ZNF440: variants seen among roughly 807,000 people sequenced by gnomAD.
ZNF440 encodes zinc finger protein 440.
In ZNF440, 47 loss-of-function variants were observed where a neutral mutation model predicts 49.7. The observed-to-expected ratio is 0.95, with a 90% confidence interval of 0.75 to 1.21. The LOEUF (loss-of-function observed/expected upper bound fraction) is 1.21, where lower values mean the gene tolerates loss of function less well. Among genes scored for constraint, ZNF440 ranks in the 50% most tolerant of loss-of-function variants. ZNF440 has a pLI of 0.00. For missense variants in ZNF440, 703 were observed against 715.0 expected, an observed-to-expected ratio of 0.98 and a Z score of 0.19; for synonymous variants, 255 against 237.7, an observed-to-expected ratio of 1.07 and a Z score of -0.67.
At chr19:11,820,373 C>T (rs1017812479) in intron 1 of ZNF440, among the ~76,000 whole-genome samples, 20 of 152,112 alleles carry the variant, frequency 1.3e-4, no homozygotes, top group Non-Finnish European at 2.2e-4. Flanking sequence ...CCTGCCACCA[C>T]GCCCGGCTAA....
chr19:11,822,371 T>G (rs959072337), intron 1 of ZNF440, among the ~76,000 whole-genome samples: 2 of 152,198 alleles, frequency 1.3e-5, no homozygotes, highest in African/African-American at 4.8e-5. Context: ...TAACATATAA[T>G]TATAAGAACT....
chr19:11,827,144 A>C (rs941749458), intron 1 of ZNF440, among the ~76,000 whole-genome samples: 1 of 149,968 alleles, frequency 6.7e-6, no homozygotes, highest in Non-Finnish European at 1.5e-5. Context: ...GCTCACTGCA[A>C]CCTCTGTCTC....
In ZNF440 at chr19:11,833,187, C is replaced by T. The variant is rs1036870259; in HGVS notation, c.*223C>T. 1 of 1,214,564 alleles carries T rather than the reference C, an allele frequency of 8.2e-7. No individual in the cohort carries two copies. Among genetic ancestry groups the T allele is most frequent in the Non-Finnish European group, 1.2e-6 (1 of 850,704 alleles). The allele number at this position is 1,214,564 out of a possible 1,614,324, so 75.2% of individuals were successfully genotyped here. On this transcript the variant is annotated 3_prime_UTR_variant, in exon 4 of 4. Coordinates refer to ENST00000304060, the MANE Select transcript of ZNF440 (RefSeq NM_152357.3). ...AAGCAATTTGGGAAAGCCTTCAGATCTGTCAAAAATCTTCGATTTCATAAA... is the reference window on the plus strand; with the variant it reads ...AAGCAATTTGGGAAAGCCTTCAGATTTGTCAAAAATCTTCGATTTCATAAA...
At chr19:11,821,014 A>G (rs1975793459) in intron 1 of ZNF440, among the ~76,000 whole-genome samples, 1 of 152,200 alleles carries the variant, frequency 6.6e-6, no homozygotes, top group Non-Finnish European at 1.5e-5. Flanking sequence ...AAATGTTCAG[A>G]GAATCACCAC....
chr19:11,817,061 A>C (rs1975741067), intron 1 of ZNF440: 1 of 152,246 alleles, frequency 6.6e-6, no homozygotes, highest in Admixed American at 6.5e-5. Context: ...TGTCAACCCG[A>C]AATAATCGAA....
In ZNF440 at chr19:11,820,291, A is replaced by C. The variant is rs141725248; in HGVS notation, c.3+5841A>C. On this transcript the variant is annotated intron_variant, in intron 1 of 3. Coordinates refer to ENST00000304060, the MANE Select transcript of ZNF440 (RefSeq NM_152357.3). ...GAGTGCAGTGGCGCGATCTCGGCTC[A>C]CTGCAAGCTCCGCTTCCCGGGTTCA... Among the ~76,000 whole-genome samples the C allele has an allele frequency of 3.9e-3, 590 of 152,114 alleles. 20 individuals are homozygous for C. In the East Asian group the frequency reaches 0.077, roughly 20 times the overall value.
chr19:11,832,752 C>T lies in ZNF440; in HGVS notation c.1576C>T (p.Leu526=), dbSNP rs765337446. 18 of 1,613,106 alleles carry T rather than the reference C, an allele frequency of 1.1e-5. No individual in the cohort carries two copies. The African/African-American group carries it at 1.9e-4, about 17-fold the overall frequency. Residue 526 remains leucine, a synonymous_variant, in exon 4 of 4, where the codon CTG becomes TTG. Coordinates refer to ENST00000304060, the MANE Select transcript of ZNF440 (RefSeq NM_152357.3). ...GAGCAATGTGGGAAAGCCTTCAGAGCTGTGTCAATCCTTTGAATGCATGGT... is the reference window on the plus strand; with the variant it reads ...GAGCAATGTGGGAAAGCCTTCAGAGTTGTGTCAATCCTTTGAATGCATGGT... ...NASNVGKPSE[L]CQSFECMVGL...
intron 1 of ZNF440, among the ~76,000 whole-genome samples, chr19:11,818,050 A>G (rs1180729983): frequency 6.6e-6 from 1 of 152,000 alleles, no homozygotes; most frequent in African/African-American, 2.4e-5. Context: ...AAAATACAAA[A>G]AAAAATTAAC....
At chr19:11,830,139 C>A in intron 1 of ZNF440, 144 bp from the exon 2 acceptor site, 1 of 1,469,676 alleles carries the variant, frequency 6.8e-7, no homozygotes, top group African/African-American at 1.4e-5. Flanking sequence ...AGTAAGTATA[C>A]ACAGGGAGAA....
At chr19:11,819,251 TAAGA>T (rs1339250065) in intron 1 of ZNF440, among the ~76,000 whole-genome samples, 1 of 152,118 alleles carries the variant, frequency 6.6e-6, no homozygotes, top group African/African-American at 2.4e-5. Context: ...ACAGTATAGG[TAAGA>T]AAGAAGGCGA....
Position 11,832,003 on chromosome 19 carries a change from G to A in ZNF440, c.827G>A (p.Arg276Lys), listed in dbSNP as rs778422591. The A allele has an allele frequency of 2.5e-6, 4 of 1,613,956 alleles. No individual in the cohort carries two copies. The highest frequency in any genetic ancestry group is 1.7e-6 in the Non-Finnish European group (2 of 1,180,006). Residue 276 changes from arginine to lysine, a missense_variant, in exon 4 of 4, where the codon AGG becomes AAG. By Grantham distance (26) the Arg-to-Lys change is conservative. Coordinates refer to ENST00000304060, the MANE Select transcript of ZNF440 (RefSeq NM_152357.3). ...CCCAGATCCTATCGTAGACATGAAA[G>A]GATTCACATGGGAGAAAAGGCTTAT... ...HSPRSYRRHE[R>K]IHMGEKAYQC...
Position 11,832,553 on chromosome 19 carries a change from A to G in ZNF440, c.1377A>G (p.Lys459=). 6.2e-7 allele frequency: 1 copy of G among 1,614,132 alleles called. No individual in the cohort carries two copies. Among genetic ancestry groups the G allele is most frequent in the Non-Finnish European group, 8.5e-7 (1 of 1,180,008 alleles). ...IRIHSGERRY[K]CKICGKGFYC... is the part of the protein sequence containing the mutation. ...TACACTCTGGAGAAAGACGTTATAA[A>G]TGTAAGATATGTGGGAAAGGCTTTT... Residue 459 remains lysine, a synonymous_variant, in exon 4 of 4, where the codon AAA becomes AAG. Transcript: ENST00000304060.
chr19:11,832,006 T>G lies in ZNF440; in HGVS notation c.830T>G (p.Ile277Ser). The change falls in exon 4 of 4, where the codon ATT (isoleucine) becomes AGT (serine). Residue 277 changes from isoleucine to serine, a missense_variant. Ile to Ser is a moderately radical substitution (Grantham distance 142). Coordinates refer to ENST00000304060, the MANE Select transcript of ZNF440 (RefSeq NM_152357.3). ...AGATCCTATCGTAGACATGAAAGGA[T>G]TCACATGGGAGAAAAGGCTTATCAA... Reference protein sequence around the residue: ...SPRSYRRHERIHMGEKAYQCK... With the variant: ...SPRSYRRHERSHMGEKAYQCK... 6.2e-7 allele frequency: 1 copy of G among 1,613,882 alleles called. No homozygotes were observed. The highest frequency in any genetic ancestry group is 2.2e-5 in the East Asian group (1 of 44,828).
chr19:11,825,829 T>TG (rs1975858345), intron 1 of ZNF440, among the ~76,000 whole-genome samples: 1 of 150,338 alleles, frequency 6.7e-6, no homozygotes, highest in Non-Finnish European at 1.5e-5. Context: ...TTTTTTTTTT[T>TG]TTTGAGACAG....
Position 11,834,129 on chromosome 19 carries a change from C to G in ZNF440, c.*1165C>G. On this transcript the variant is annotated 3_prime_UTR_variant, in exon 4 of 4. Transcript: ENST00000304060. ...TTTATCTCAACCTTAATTTTTCTTT[C>G]TTTTTTTTTTTCCCCCAGAAAGAAT... 1 of 260,488 alleles carries G rather than the reference C, an allele frequency of 3.8e-6. No individual in the cohort carries two copies. Among genetic ancestry groups the G allele is most frequent in the Non-Finnish European group, 7.5e-6 (1 of 133,488 alleles). 16.1% of individuals were successfully genotyped at this position (260,488 alleles called of 1,614,324 possible). A position where few individuals can be genotyped will look rare whatever the true frequency, so the allele number is the denominator to read the frequency against.
At chr19:11,830,590 A>G in intron 2 of ZNF440, 27 bp from the exon 3 acceptor site, 1 of 1,612,386 alleles carries the variant, frequency 6.2e-7, no homozygotes, top group Non-Finnish European at 8.5e-7. Flanking sequence ...CTGCCTCAGG[A>G]CTATTTTTTC....
At chr19:11,815,284 T>TCACA (rs3223082) in intron 1 of ZNF440, among the ~76,000 whole-genome samples, 11,313 of 121,022 alleles carry the variant, frequency 0.093, 556 homozygotes, top group African/African-American at 0.1. Context: ...GGCAACTCCG[T>TCACA]CACACACACA....
In ZNF440 at chr19:11,832,847, C is replaced by A. The variant is rs1568245213; in HGVS notation, c.1671C>A (p.Thr557=). 6.2e-7 allele frequency: 1 copy of A among 1,612,588 alleles called. No individual in the cohort carries two copies. Among genetic ancestry groups the A allele is most frequent in the South Asian group, 1.1e-5 (1 of 91,002 alleles). The change falls in exon 4 of 4, where the codon ACC becomes ACA. Residue 557 remains threonine, a synonymous_variant. Coordinates refer to ENST00000304060, the MANE Select transcript of ZNF440 (RefSeq NM_152357.3). ...GAAAGCCTTCAGATCTGCCCCACAC[C>A]TTTGAATACGTGGTAGGACACACAA... ...NDGKPSDLPH[T]FEYVVGHTME... is the part of the protein sequence containing the mutation.
At chr19:11,815,284 T>TCTCACACA (rs1555690473) in intron 1 of ZNF440, among the ~76,000 whole-genome samples, 3 of 121,062 alleles carry the variant, frequency 2.5e-5, no homozygotes, top group African/African-American at 9.6e-5. Flanking sequence ...GGCAACTCCG[T>TCTCACACA]CACACACACA....
Sources: gnomAD v4.1 joint callset for allele counts (sites outside exome capture counted in the v4.1 genomes callset) on GRCh38, gnomAD v4.1.1 for gene constraint, MANE v1.5 for transcripts, NCBI Gene and HGNC (gene_info 2026-07-23, HGNC 2026-07-21) for gene names.